The following PLEKHA8 variants were observed in gnomAD, a reference collection of about 807,000 sequenced individuals.
PLEKHA8 encodes pleckstrin homology domain-containing family A member 8.
Under a neutral mutation model 68.2 loss-of-function variants are expected in PLEKHA8, and 36 were observed. The observed-to-expected ratio is 0.53, with a 90% CI of 0.40 to 0.70. The LOEUF (loss-of-function observed/expected upper bound fraction) is 0.70, where lower values mean the gene tolerates loss of function less well. Ranked by LOEUF, PLEKHA8 falls within the 30% of genes least tolerant of loss-of-function variation. The pLI, the probability that PLEKHA8 is intolerant of heterozygous loss-of-function variation, is 0.00. For synonymous variants in PLEKHA8, 211 were observed against 216.1 expected (o/e 0.98, Z 0.20); for missense variants, 505 against 615.4 (o/e 0.82, Z 1.90).
At chr7:30,089,288 A>G (rs1795304601), downstream of PLEKHA8, among the ~76,000 whole-genome samples, 1 of 152,122 alleles carries the variant, frequency 6.6e-6, no homozygotes, top group South Asian at 2.1e-4. Context: ...CACTTATCCA[A>G]GTGTCTCATG....
chr7:30,060,858 G>A (rs771988191), intron 9 of PLEKHA8, 26 bp from the exon 10 acceptor site: 1 of 1,599,124 alleles, frequency 6.3e-7, no homozygotes, highest in Non-Finnish European at 8.5e-7. Context: ...TGCTTTTTCA[G>A]AAATGTTTTT....
intron 13 of PLEKHA8, among the ~76,000 whole-genome samples, chr7:30,103,658 C>G (rs1795951857): frequency 6.6e-6 from 1 of 152,190 alleles, no homozygotes; most frequent in Non-Finnish European, 1.5e-5. Context: ...CAAAGCAATT[C>G]AATGGTGAAA....
intron 13 of PLEKHA8, among the ~76,000 whole-genome samples, chr7:30,108,505 T>G (rs1244494599): frequency 6.6e-6 from 1 of 152,252 alleles, no homozygotes; most frequent in Non-Finnish European, 1.5e-5. Context: ...TAATTTAATT[T>G]TATTTTTTTT....
intron 13 of PLEKHA8, among the ~76,000 whole-genome samples, chr7:30,098,797 G>T (rs554742486): frequency 6.6e-6 from 1 of 152,342 alleles, no homozygotes; most frequent in Non-Finnish European, 1.5e-5. Flanking sequence ...GCGATGTTGC[G>T]CCCTGCTTTG....
intron 13 of PLEKHA8, among the ~76,000 whole-genome samples, chr7:30,109,740 C>T (rs1031427197): frequency 3.3e-5 from 5 of 149,842 alleles, no homozygotes; most frequent in East Asian, 2.0e-4. Context: ...GGTACAATCA[C>T]GCCTCACTGC....
intron 13 of PLEKHA8, among the ~76,000 whole-genome samples, chr7:30,124,068 T>G (rs1796735608): frequency 6.6e-6 from 1 of 152,232 alleles, no homozygotes; most frequent in Non-Finnish European, 1.5e-5. Context: ...TTATTAAGAC[T>G]AAACTAGGAG....
Position 30,082,680 on chromosome 7 carries a change from A to G in PLEKHA8, c.*3893A>G. 1.0e-6 allele frequency: 1 copy of G among 984,654 alleles called. No homozygotes were observed. Among genetic ancestry groups the G allele is most frequent in the Non-Finnish European group, 1.2e-6 (1 of 829,206 alleles). The allele number at this position is 984,654 out of a possible 1,614,324, so 61.0% of individuals were successfully genotyped here. A position where few individuals can be genotyped will look rare whatever the true frequency, so the allele number is the denominator to read the frequency against. ...TTTTAATTAAAAATATGTGATAGGG[A>G]CCAAATAAGTAAAGTACATTTTTCT... On this transcript the variant is annotated 3_prime_UTR_variant, in exon 14 of 14. Coordinates refer to ENST00000449726, the MANE Select transcript of PLEKHA8 (RefSeq NM_001197026.2).
intron 13 of PLEKHA8, among the ~76,000 whole-genome samples, chr7:30,107,797 G>T (rs2128015317): frequency 6.6e-6 from 1 of 152,178 alleles, no homozygotes; most frequent in South Asian, 2.1e-4. Flanking sequence ...AACTGGGCAT[G>T]GTGGCTCATG....
chr7:30,092,122 C>T (rs1322604469), downstream of PLEKHA8, among the ~76,000 whole-genome samples: 2 of 152,098 alleles, frequency 1.3e-5, no homozygotes, highest in Admixed American at 1.3e-4. Flanking sequence ...AAGATGATCA[C>T]AGGATTGTGG....
intron 9 of PLEKHA8, among the ~76,000 whole-genome samples, chr7:30,058,085 C>G (rs1056718773): frequency 1.3e-5 from 2 of 152,008 alleles, no homozygotes; most frequent in African/African-American, 4.8e-5. Context: ...TAATTATTGG[C>G]CATCCCTATC....
chr7:30,087,006 G>A (rs187670445), downstream of PLEKHA8, among the ~76,000 whole-genome samples: 59 of 152,320 alleles, frequency 3.9e-4, 1 homozygote, highest in Non-Finnish European at 4.3e-4. Context: ...CACAGATCAC[G>A]TTTGGGATGA....
intron 1 of PLEKHA8, among the ~76,000 whole-genome samples, chr7:30,032,879 G>C (rs1193480604): frequency 6.6e-6 from 1 of 152,240 alleles, no homozygotes; most frequent in Admixed American, 6.5e-5. Flanking sequence ...AAGGCTGCTT[G>C]TGCCTCTCCA....
intron 13 of PLEKHA8, among the ~76,000 whole-genome samples, chr7:30,115,007 G>C (rs534999394): frequency 2.0e-5 from 3 of 152,214 alleles, no homozygotes; most frequent in Admixed American, 6.5e-5. Context: ...ACTCTTTTCA[G>C]TGTGGGTGTA....
chr7:30,115,732 GTATACATGTATA>G (rs1562557718), intron 13 of PLEKHA8: 3 of 116,244 alleles, frequency 2.6e-5, no homozygotes, highest in Admixed American at 2.6e-4. Flanking sequence ...ATGCATACAC[GTATACATGTATA>G]CATACGTGCA....
chr7:30,028,853 G>A, intron 1 of PLEKHA8, 51 bp downstream of exon 1: 1 of 1,248,268 alleles, frequency 8.0e-7, no homozygotes. Flanking sequence ...TCCTTTGTCT[G>A]CGCGGCTGGA....
intron 13 of PLEKHA8, among the ~76,000 whole-genome samples, chr7:30,117,113 C>T (rs2391820): frequency 0.97 from 147,551 of 152,266 alleles, 71,674 homozygotes; most frequent in East Asian, 1. Context: ...AAGGAGACAG[C>T]CTGGAAATTG....
chr7:30,053,174 G>GTTAT (rs1422300608), intron 7 of PLEKHA8, among the ~76,000 whole-genome samples: 1 of 152,182 alleles, frequency 6.6e-6, no homozygotes, highest in East Asian at 1.9e-4. Context: ...AGATTATGAT[G>GTTAT]TTATACGTAA....
Position 30,082,031 on chromosome 7 carries a change from A to G in PLEKHA8, c.*3244A>G, listed in dbSNP as rs1253788443. Reference sequence around the variant, plus strand: ...ACTATGAGGAGAAGATGGTCTTCTCATTGGCTCTTGATGTAGCTCTGAAGG... The same window carrying G: ...ACTATGAGGAGAAGATGGTCTTCTCGTTGGCTCTTGATGTAGCTCTGAAGG... On this transcript the variant is annotated 3_prime_UTR_variant, in exon 14 of 14. Coordinates refer to ENST00000449726, the MANE Select transcript of PLEKHA8 (RefSeq NM_001197026.2). 10 of 953,040 alleles carry G rather than the reference A, an allele frequency of 1.0e-5. No homozygotes were observed. The highest frequency in any genetic ancestry group is 5.3e-5 in the African/African-American group (3 of 56,496). The allele number at this position is 953,040 out of a possible 1,614,324, so 59.0% of individuals were successfully genotyped here. A position where few individuals can be genotyped will look rare whatever the true frequency, so the allele number is the denominator to read the frequency against.
rs536243849 is a variant in PLEKHA8 at position 30,112,738 on chromosome 7, T to TA, written c.1363-16522dup. 4.9e-3 allele frequency among the ~76,000 whole-genome samples: 734 copies of TA among 150,802 alleles called. 10 individuals are homozygous for TA. The highest frequency in any genetic ancestry group is 0.017 in the African/African-American group (704 of 41,076). On this transcript the variant is annotated intron_variant, in intron 13 of 13. Coordinates refer to the PLEKHA8 transcript ENST00000396257. The stretch of plus-strand genomic sequence containing the variant: ...TGAAAAAAAAAAAAGCCCATCTCTA[T>TA]AAAAAATACAAAATTAGCCAGGTGT...
Sources: gnomAD v4.1 joint callset for allele counts (sites outside exome capture counted in the v4.1 genomes callset) on GRCh38, gnomAD v4.1.1 for gene constraint, MANE v1.5 for transcripts, NCBI Gene and HGNC (gene_info 2026-07-23, HGNC 2026-07-21) for gene names.